The following CAMTA1 variants were observed in gnomAD, a reference collection of about 807,000 sequenced individuals.
CAMTA1 encodes the protein calmodulin-binding transcription activator 1.
Under a neutral mutation model 170.9 loss-of-function variants are expected in CAMTA1, and 27 were observed. The observed-to-expected ratio is 0.16, with a 90% CI of 0.12 to 0.22. The LOEUF is 0.22. Ranked by LOEUF, CAMTA1 falls within the 10% of genes least tolerant of loss-of-function variation. The probability of loss-of-function intolerance (pLI) is 1.00; values close to 1 mark genes in which losing one functional copy is unlikely to be tolerated. For missense variants in CAMTA1, 1,619 were observed against 2,217.2 expected, an observed-to-expected ratio of 0.73 and a Z score of 5.42; for synonymous variants, 833 against 891.5, an observed-to-expected ratio of 0.93 and a Z score of 1.17.
chr1:7,751,151 G>C (rs200316768), intron 19 of CAMTA1, 48 bp from the exon 20 acceptor site: 5 of 1,447,570 alleles, frequency 3.5e-6, no homozygotes, highest in Non-Finnish European at 4.7e-6. Flanking sequence ...CGCTGAGCCC[G>C]TGCAGCCCCT....
At chr1:7,315,750 G>A (rs1416947565) in intron 5 of CAMTA1, among the ~76,000 whole-genome samples, 1 of 152,132 alleles carries the variant, frequency 6.6e-6, no homozygotes, top group African/African-American at 2.4e-5. Context: ...ATCTTTCCTG[G>A]CCTCTCCCAG....
rs1437923291 is a variant in CAMTA1 at position 7,195,732 on chromosome 1, T to C, written c.303-53759T>C. Among the ~76,000 whole-genome samples the C allele has an allele frequency of 1.3e-5, 2 of 152,174 alleles. No individual in the cohort carries two copies. The highest frequency in any genetic ancestry group is 6.5e-5 in the Admixed American group (1 of 15,278). On this transcript the variant is annotated intron_variant, in intron 4 of 22. Coordinates refer to ENST00000303635, the MANE Select transcript of CAMTA1 (RefSeq NM_015215.4). The surrounding 1 kb of genome is among the most constrained non-coding windows in gnomAD (Gnocchi z 4.1). Reference sequence around the variant, plus strand: ...GATAAAGGGGTTCGATTAAGAGAGCTTGTGGGCTGGGCGCAGTGGCTCATG... The same window carrying C: ...GATAAAGGGGTTCGATTAAGAGAGCCTGTGGGCTGGGCGCAGTGGCTCATG...
At chr1:7,192,822 G>A (rs1654794889) in intron 4 of CAMTA1, among the ~76,000 whole-genome samples, 3 of 152,212 alleles carry the variant, frequency 2.0e-5, no homozygotes, top group Admixed American at 2.0e-4. Flanking sequence ...AGGAGTGAAT[G>A]CAGCGTCACC....
intron 5 of CAMTA1, among the ~76,000 whole-genome samples, chr1:7,268,559 G>A (rs144090854): frequency 6.6e-6 from 1 of 152,228 alleles, no homozygotes; most frequent in Non-Finnish European, 1.5e-5. Context: ...ACCCCAGAAT[G>A]ATCACATCTT....
At chr1:7,629,558 A>G (rs2095655202) in intron 6 of CAMTA1, among the ~76,000 whole-genome samples, 1 of 152,242 alleles carries the variant, frequency 6.6e-6, no homozygotes, top group Admixed American at 6.5e-5. Context: ...CTTAGCTTTC[A>G]TGGATCTAGA....
intron 11 of CAMTA1, among the ~76,000 whole-genome samples, chr1:7,705,162 T>G (rs2096498514): frequency 6.7e-6 from 1 of 148,934 alleles, no homozygotes; most frequent in Non-Finnish European, 1.5e-5. Context: ...AGTGTGGGGA[T>G]CCGGCGGGCC....
At chr1:7,493,643 TGGGGGGG>T (rs34756858) in intron 6 of CAMTA1, among the ~76,000 whole-genome samples, 91,784 of 147,860 alleles carry the variant, frequency 0.62, 28,601 homozygotes, top group African/African-American at 0.74. Flanking sequence ...CCCAGGGAAC[TGGGGGGG>T]GGGGGGGGTC....
At chr1:7,428,120 C>A (rs976236630) in intron 5 of CAMTA1, among the ~76,000 whole-genome samples, 1 of 152,082 alleles carries the variant, frequency 6.6e-6, no homozygotes, top group Non-Finnish European at 1.5e-5. Context: ...GAAGTGCTAT[C>A]TGGAGGGAGG....
intron 6 of CAMTA1, among the ~76,000 whole-genome samples, chr1:7,618,435 C>T (rs565094299): frequency 2.0e-5 from 3 of 152,324 alleles, no homozygotes; most frequent in African/African-American, 7.2e-5. Flanking sequence ...GCTCCAGGCT[C>T]TCAACTCTGC....
At position 7,146,676 on chromosome 1, in the gene CAMTA1, A is replaced by G. The variant is rs1022242924; in HGVS notation, c.302+55305A>G. Among the ~76,000 whole-genome samples, 4 of 152,092 alleles carry G rather than the reference A, an allele frequency of 2.6e-5. No homozygotes were observed. Among genetic ancestry groups the G allele is most frequent in the African/African-American group, 9.7e-5 (4 of 41,422 alleles). ...CCTGGGACCGGCTGTGTAGGGGTTG[A>G]TGTGGGCAGTCAGAGGGGGTAGGGA... is the stretch of plus-strand genomic sequence containing the variant. On this transcript the variant is annotated intron_variant, in intron 4 of 22. Transcript: ENST00000303635. This position sits in a 1 kb window ranked among gnomAD's most constrained non-coding sequence, Gnocchi z 4.3.
rs2097038560 is a variant in CAMTA1 at position 7,768,729 on chromosome 1, C to T, written c.*2238C>T. On this transcript the variant is annotated 3_prime_UTR_variant, in exon 23 of 23. Coordinates refer to ENST00000303635, the MANE Select transcript of CAMTA1 (RefSeq NM_015215.4). Reference sequence around the variant, plus strand: ...GCCACCTGTACATTTGTAAACTGACCTGACTCCATTTTGTTTTTAAATGTG... The same window carrying T: ...GCCACCTGTACATTTGTAAACTGACTTGACTCCATTTTGTTTTTAAATGTG... 1.3e-5 allele frequency: 2 copies of T among 152,750 alleles called. No individual in the cohort carries two copies. Among genetic ancestry groups the T allele is most frequent in the South Asian group, 4.1e-4 (2 of 4,822 alleles). 9.5% of individuals were successfully genotyped at this position (152,750 alleles called of 1,614,324 possible).
At chr1:7,166,836 A>T (rs187604193) in intron 4 of CAMTA1, among the ~76,000 whole-genome samples, 38 of 147,106 alleles carry the variant, frequency 2.6e-4, no homozygotes, top group African/African-American at 9.3e-4. Flanking sequence ...ATTGAGATGG[A>T]GTCTCACTCT....
intron 3 of CAMTA1, among the ~76,000 whole-genome samples, chr1:7,059,989 G>A (rs749563013): frequency 2.0e-4 from 30 of 152,136 alleles, no homozygotes; most frequent in Non-Finnish European, 2.2e-4. Context: ...ACCCCAGCCT[G>A]GGCAGCCGCC....
At chr1:7,740,977 A>G (rs2096808048) in intron 16 of CAMTA1, among the ~76,000 whole-genome samples, 1 of 152,256 alleles carries the variant, frequency 6.6e-6, no homozygotes. Context: ...TTTTAGAAAA[A>G]GTGGCAAAAC....
intron 3 of CAMTA1, among the ~76,000 whole-genome samples, chr1:6,859,750 G>A (rs890176980): frequency 6.6e-6 from 1 of 152,158 alleles, no homozygotes; most frequent in Admixed American, 6.5e-5. Flanking sequence ...GATCGTGCGA[G>A]TGCACCCCAG....
At chr1:7,301,245 G>A (rs1674712319) in intron 5 of CAMTA1, among the ~76,000 whole-genome samples, 1 of 152,218 alleles carries the variant, frequency 6.6e-6, no homozygotes, top group Non-Finnish European at 1.5e-5. Context: ...CTCATTAGAA[G>A]TGCCTTGTAA....
chr1:7,704,971 GCGGGGGCGGGGC>G (rs2096493639), intron 11 of CAMTA1, among the ~76,000 whole-genome samples: 1 of 120,928 alleles, frequency 8.3e-6, no homozygotes, highest in South Asian at 3.0e-4. Flanking sequence ...CGCGCGCGGG[GCGGGGGCGGGGC>G]CGGGGCGTGG....
chr1:6,987,437 T>C (rs1695548858), intron 3 of CAMTA1, among the ~76,000 whole-genome samples: 1 of 152,198 alleles, frequency 6.6e-6, no homozygotes, highest in African/African-American at 2.4e-5. Flanking sequence ...AGTGTTGGGA[T>C]TACAGGCGTG....
chr1:7,546,734 T>G (rs961787554), intron 6 of CAMTA1, among the ~76,000 whole-genome samples: 4 of 152,218 alleles, frequency 2.6e-5, no homozygotes, highest in Admixed American at 1.3e-4. Flanking sequence ...TGGTTTTGAT[T>G]TGCATTTCCC....
Sources: gnomAD v4.1 joint callset for allele counts (sites outside exome capture counted in the v4.1 genomes callset) on GRCh38, gnomAD v4.1.1 for gene constraint, Gnocchi (gnomAD v3.1) non-coding constraint, MANE v1.5 for transcripts, NCBI Gene and HGNC (gene_info 2026-07-23, HGNC 2026-07-21) for gene names.